The following GRM5 variants were observed in gnomAD, a reference collection of about 807,000 sequenced individuals.
GRM5 encodes glutamate metabotropic receptor 5.
In GRM5, 19 loss-of-function variants were observed where a neutral mutation model predicts 83.1. That is an observed-to-expected ratio of 0.23 (90% confidence interval 0.16 to 0.34). GRM5 has a LOEUF of 0.34. Among genes scored for constraint, GRM5 ranks in the 10% least tolerant of loss-of-function variants. GRM5 has a pLI of 1.00. For missense variants in GRM5, 1,160 were observed against 1,588.3 expected, an observed-to-expected ratio of 0.73 and a Z score of 4.58; for synonymous variants, 675 against 633.6, an observed-to-expected ratio of 1.07 and a Z score of -0.98.
At chr11:88,968,504 G>C (rs1029070237) in intron 2 of GRM5, among the ~76,000 whole-genome samples, 1 of 152,020 alleles carries the variant, frequency 6.6e-6, no homozygotes, top group African/African-American at 2.4e-5. Context: ...GAAACAAAGA[G>C]AGACTTCATC....
At chr11:88,762,140 T>C (rs1389086512) in intron 3 of GRM5, among the ~76,000 whole-genome samples, 2 of 152,110 alleles carry the variant, frequency 1.3e-5, no homozygotes, top group African/African-American at 2.4e-5. Flanking sequence ...AAAGATTTTA[T>C]GACAAAGACA....
rs188197815 is a variant in GRM5, at chr11:88,929,671, C to T, written c.662-79516G>A. Among the ~76,000 whole-genome samples the T allele has an allele frequency of 1.6e-3, 241 of 151,982 alleles. 1 individual carries two copies. The highest frequency in any genetic ancestry group is 5.5e-3 in the African/African-American group (229 of 41,456). On this transcript the variant is annotated intron_variant, in intron 2 of 9. Transcript: ENST00000305447. ...TAAGTTTATGTTTGTCAATGAGACC[C>T]CCAAATTCTTCATTTTTAAAATAGG...
At chr11:89,032,820 G>T (rs964631555) in intron 2 of GRM5, among the ~76,000 whole-genome samples, 2 of 152,020 alleles carry the variant, frequency 1.3e-5, no homozygotes, top group Non-Finnish European at 2.9e-5. Flanking sequence ...ACTACTCAGA[G>T]CTCCCACTGT....
At chr11:88,784,832 G>C (rs1487990039) in intron 3 of GRM5, among the ~76,000 whole-genome samples, 2 of 152,006 alleles carry the variant, frequency 1.3e-5, no homozygotes, top group South Asian at 4.1e-4. Flanking sequence ...CTTTGGGAAT[G>C]TTAATCTCTG....
At chr11:88,727,703 C>A (rs540912313) in intron 3 of GRM5, among the ~76,000 whole-genome samples, 1 of 151,472 alleles carries the variant, frequency 6.6e-6, no homozygotes, top group Non-Finnish European at 1.5e-5. Flanking sequence ...GACCACAGTG[C>A]ATTAGAACTC....
chr11:88,931,956 G>A (rs542916579), intron 2 of GRM5, among the ~76,000 whole-genome samples: 5 of 152,166 alleles, frequency 3.3e-5, no homozygotes, highest in African/African-American at 1.2e-4. Context: ...CATCTATTAG[G>A]AGAAAGAGTA....
intron 3 of GRM5, among the ~76,000 whole-genome samples, chr11:88,822,286 A>T (rs911171725): frequency 2.6e-5 from 4 of 152,226 alleles, no homozygotes; most frequent in African/African-American, 9.6e-5. Context: ...TGCTATACAT[A>T]GTTGAGCTTA....
chr11:88,762,106 A>G (rs1428637768), intron 3 of GRM5, among the ~76,000 whole-genome samples: 2 of 152,136 alleles, frequency 1.3e-5, no homozygotes, highest in Admixed American at 6.6e-5. Context: ...CCTAGGTAAT[A>G]CCATTCTGGA....
chr11:88,833,470 G>C (rs1944035126), intron 3 of GRM5, among the ~76,000 whole-genome samples: 1 of 151,672 alleles, frequency 6.6e-6, no homozygotes. Flanking sequence ...TTATTAAAAA[G>C]ACAAAAAATA....
chr11:89,042,577 C>T (rs1485091563), intron 2 of GRM5, among the ~76,000 whole-genome samples: 7 of 152,152 alleles, frequency 4.6e-5, no homozygotes, highest in Admixed American at 3.9e-4. Flanking sequence ...TTTTAACTCT[C>T]AGCACTGTTC....
At chr11:88,575,401 C>T (rs369367217) in intron 7 of GRM5, among the ~76,000 whole-genome samples, 112 of 150,034 alleles carry the variant, frequency 7.5e-4, no homozygotes, top group African/African-American at 2.7e-3. Context: ...CTGTGGTTAT[C>T]TACTAACTTA....
intron 4 of GRM5, among the ~76,000 whole-genome samples, chr11:88,613,484 T>C (rs1938384065): frequency 6.6e-6 from 1 of 152,170 alleles, no homozygotes; most frequent in African/African-American, 2.4e-5. Context: ...AAATTATCGT[T>C]GGTTTATAAG....
chr11:88,916,089 T>G (rs939249412), intron 2 of GRM5, among the ~76,000 whole-genome samples: 1 of 152,196 alleles, frequency 6.6e-6, no homozygotes, highest in African/African-American at 2.4e-5. Context: ...ATTATTCATT[T>G]GGTAGGAGGA....
chr11:88,807,482 G>A (rs1943517147), intron 3 of GRM5, among the ~76,000 whole-genome samples: 1 of 152,120 alleles, frequency 6.6e-6, no homozygotes, highest in African/African-American at 2.4e-5. Context: ...CTGGTTAGGA[G>A]ACTTTTGCTC....
chr11:88,625,747 A>G (rs1291007487), intron 4 of GRM5, among the ~76,000 whole-genome samples: 1 of 152,174 alleles, frequency 6.6e-6, no homozygotes, highest in African/African-American at 2.4e-5. Flanking sequence ...TTTGTAACAA[A>G]TGTGTGCATA....
rs572554718 is a variant in GRM5, at chr11:88,859,307, G to C, written c.662-9152C>G. 3.9e-5 allele frequency among the ~76,000 whole-genome samples: 6 copies of C among 152,116 alleles called. No homozygotes were observed. The East Asian group carries it at 1.2e-3, about 29-fold the overall frequency. ...TCTGGAAACTCAAGAAGTTTTCTTT[G>C]CTCATATTAAGAAGGGGTTATTTTA... is the stretch of plus-strand genomic sequence containing the variant. On this transcript the variant is annotated intron_variant, in intron 2 of 9. Transcript: ENST00000305447.
intron 5 of GRM5, among the ~76,000 whole-genome samples, chr11:88,603,841 G>A (rs1938068964): frequency 6.6e-6 from 1 of 152,162 alleles, no homozygotes; most frequent in Admixed American, 6.6e-5. Flanking sequence ...CCTTTTGGCA[G>A]GGTCAACTAC....
chr11:88,722,917 C>G (rs1196691432), intron 3 of GRM5, among the ~76,000 whole-genome samples: 1 of 152,006 alleles, frequency 6.6e-6, no homozygotes, highest in Non-Finnish European at 1.5e-5. Context: ...GTTGTACATG[C>G]TATGGCTTTT....
chr11:88,926,200 G>T (rs753397649), intron 2 of GRM5, among the ~76,000 whole-genome samples: 2 of 152,220 alleles, frequency 1.3e-5, no homozygotes, highest in Non-Finnish European at 2.9e-5. Flanking sequence ...GCAGCAGTCT[G>T]CAGAGCCCAT....
Sources: allele counts gnomAD v4.1 joint callset (sites outside exome capture counted in the v4.1 genomes callset), GRCh38; gene constraint gnomAD v4.1.1; transcripts MANE v1.5; gene names NCBI Gene and HGNC (gene_info 2026-07-23, HGNC 2026-07-21).